AHCYL2: variants seen among roughly 807,000 people sequenced by gnomAD.
AHCYL2 encodes the protein adenosylhomocysteinase like 2.
A neutral mutation model predicts 81.4 loss-of-function variants in AHCYL2; 28 were observed. The ratio of observed to expected loss-of-function variants is 0.34; its 90% confidence interval spans 0.25 to 0.47. The LOEUF (loss-of-function observed/expected upper bound fraction) is 0.47. Among genes scored for constraint, AHCYL2 ranks in the 20% least tolerant of loss-of-function variants. AHCYL2 has a pLI of 1.00. For missense variants in AHCYL2, 551 were observed against 785.1 expected (o/e 0.70, Z 3.56); for synonymous variants, 272 against 290.2 (o/e 0.94, Z 0.64).
chr7:129,364,410 C>T (rs563869978), intron 1 of AHCYL2, among the ~76,000 whole-genome samples: 104 of 152,244 alleles, frequency 6.8e-4, no homozygotes, highest in Middle Eastern at 3.4e-3. Context: ...CCTGCCTCAG[C>T]CTCCTGAGTT....
chr7:129,401,095 A>C (rs935748678), intron 6 of AHCYL2, among the ~76,000 whole-genome samples: 1 of 152,146 alleles, frequency 6.6e-6, no homozygotes, highest in Admixed American at 6.5e-5. Flanking sequence ...AGCCCAAGGC[A>C]GGTGGATTAC....
At chr7:129,339,003 T>C (rs905409609) in intron 1 of AHCYL2, among the ~76,000 whole-genome samples, 2 of 152,200 alleles carry the variant, frequency 1.3e-5, no homozygotes, top group African/African-American at 4.8e-5. Flanking sequence ...ATAGAAGCTA[T>C]TAAGACTTTC....
At chr7:129,243,738 C>T (rs557412498) in intron 1 of AHCYL2, among the ~76,000 whole-genome samples, 8 of 151,794 alleles carry the variant, frequency 5.3e-5, no homozygotes, top group Non-Finnish European at 1.2e-4. Flanking sequence ...CCCACCACCA[C>T]GCCCAGCTAA....
At chr7:129,386,637 G>T (rs1795217767) in intron 2 of AHCYL2, among the ~76,000 whole-genome samples, 1 of 152,068 alleles carries the variant, frequency 6.6e-6, no homozygotes. Context: ...GTGGGGAAAT[G>T]GTAAAGCCAG....
At chr7:129,276,656 T>A (rs1796216511) in intron 1 of AHCYL2, among the ~76,000 whole-genome samples, 1 of 146,894 alleles carries the variant, frequency 6.8e-6, no homozygotes, top group Non-Finnish European at 1.5e-5. Context: ...GGCTGAGGCA[T>A]GAGAATTGCT....
chr7:129,234,646 G>A lies in AHCYL2; in HGVS notation c.363+9207G>A, dbSNP rs558440516. On this transcript the variant is annotated intron_variant, in intron 1 of 16. Transcript: ENST00000325006. ...AGTACTGGGATTATAAGCATGAGCC[G>A]CTGCACCCAGCCACATTTTAAAAAC... is the stretch of plus-strand genomic sequence containing the variant. 3.3e-5 allele frequency among the ~76,000 whole-genome samples: 5 copies of A among 152,070 alleles called. No individual in the cohort carries two copies. The East Asian group carries it at 9.7e-4, about 29-fold the overall frequency.
intron 7 of AHCYL2, among the ~76,000 whole-genome samples, chr7:129,403,689 C>A (rs1796142791): frequency 6.6e-6 from 1 of 151,650 alleles, no homozygotes; most frequent in Non-Finnish European, 1.5e-5. Flanking sequence ...CGGTGAAACC[C>A]CGTCTCTACT....
chr7:129,327,054 A>G (rs1027923991), intron 1 of AHCYL2, among the ~76,000 whole-genome samples: 1 of 152,196 alleles, frequency 6.6e-6, no homozygotes, highest in Non-Finnish European at 1.5e-5. Context: ...ACTTTATCAT[A>G]TATATTAACA....
At chr7:129,244,467 C>G (rs946916157) in intron 1 of AHCYL2, among the ~76,000 whole-genome samples, 8 of 152,224 alleles carry the variant, frequency 5.3e-5, no homozygotes, top group African/African-American at 1.9e-4. Context: ...ATGGAACTTG[C>G]TTTCTCATGG....
intron 2 of AHCYL2, 39 bp from the exon 3 acceptor site, chr7:129,389,017 T>G: frequency 2.9e-6 from 1 of 341,584 alleles, no homozygotes; most frequent in Non-Finnish European, 4.2e-6. Flanking sequence ...AGAGGAAGCA[T>G]TTTTTTTTTT....
At chr7:129,283,752 G>A (rs1324242802) in intron 1 of AHCYL2, among the ~76,000 whole-genome samples, 1 of 152,116 alleles carries the variant, frequency 6.6e-6, no homozygotes, top group Non-Finnish European at 1.5e-5. Context: ...CACAGGCCCT[G>A]AGGTCTGAAC....
At chr7:129,381,605 C>T (rs1026437548) in intron 2 of AHCYL2, among the ~76,000 whole-genome samples, 2 of 152,214 alleles carry the variant, frequency 1.3e-5, no homozygotes, top group African/African-American at 4.8e-5. Flanking sequence ...CTGCTTCCCT[C>T]TAATTGCTGA....
At chr7:129,304,186 T>A (rs1797346642) in intron 1 of AHCYL2, among the ~76,000 whole-genome samples, 2 of 152,262 alleles carry the variant, frequency 1.3e-5, no homozygotes, top group African/African-American at 4.8e-5. Flanking sequence ...CCTTCATGTT[T>A]GTACCATTTC....
chr7:129,286,773 T>G (rs1416005472), intron 1 of AHCYL2, among the ~76,000 whole-genome samples: 1 of 151,910 alleles, frequency 6.6e-6, no homozygotes, highest in African/African-American at 2.4e-5. Flanking sequence ...TTTACACTCT[T>G]AAAAATTAAG....
chr7:129,261,965 A>G (rs1795658161), intron 1 of AHCYL2, among the ~76,000 whole-genome samples: 1 of 152,200 alleles, frequency 6.6e-6, no homozygotes, highest in African/African-American at 2.4e-5. Flanking sequence ...AGAGTTGAAT[A>G]GGTTTGATTT....
intron 1 of AHCYL2, among the ~76,000 whole-genome samples, chr7:129,310,628 C>T (rs536452302): frequency 6.6e-6 from 1 of 152,236 alleles, no homozygotes; most frequent in South Asian, 2.1e-4. Flanking sequence ...AATTTAGCAG[C>T]AAAGCAGTGA....
intron 1 of AHCYL2, among the ~76,000 whole-genome samples, chr7:129,324,045 A>G (rs1310555859): frequency 1.0e-4 from 6 of 57,524 alleles, no homozygotes; most frequent in South Asian, 8.0e-4. Flanking sequence ...TAATTTTTGT[A>G]TTTTTGTAGA....
intron 1 of AHCYL2, among the ~76,000 whole-genome samples, chr7:129,293,602 G>C (rs13240872): frequency 0.025 from 3,746 of 151,696 alleles, 77 homozygotes; most frequent in Admixed American, 0.058. Flanking sequence ...AATCCAGCCT[G>C]AGCAACAGAG....
intron 1 of AHCYL2, among the ~76,000 whole-genome samples, chr7:129,342,518 C>A (rs773731689): frequency 2.0e-5 from 3 of 152,194 alleles, no homozygotes; most frequent in Admixed American, 2.0e-4. Flanking sequence ...TTGTAGTAAT[C>A]TCCCTTCTGT....
Sources: allele counts gnomAD v4.1 joint callset (sites outside exome capture counted in the v4.1 genomes callset), GRCh38; gene constraint gnomAD v4.1.1; transcripts MANE v1.5; gene names NCBI Gene and HGNC (gene_info 2026-07-23, HGNC 2026-07-21).